MYO1E: variants seen among roughly 807,000 people sequenced by gnomAD.
The protein encoded by MYO1E is unconventional myosin-Ie.
A neutral mutation model predicts 151.1 loss-of-function variants in MYO1E; 68 were observed. The observed-to-expected ratio is 0.45, with a 90% CI of 0.37 to 0.55. MYO1E has a LOEUF of 0.55. Ranked by LOEUF, MYO1E falls within the 20% of genes least tolerant of loss-of-function variation. The probability of loss-of-function intolerance (pLI) is 0.00; values close to 1 mark genes in which losing one functional copy is unlikely to be tolerated. For synonymous variants in MYO1E, 601 were observed against 501.7 expected (o/e 1.20, Z -2.64); for missense variants, 1,363 against 1,389.3 (o/e 0.98, Z 0.30).
At chr15:59,171,753 G>T in intron 22 of MYO1E, 144 bp downstream of exon 22, 2 of 1,110,762 alleles carry the variant, frequency 1.8e-6, no homozygotes, top group East Asian at 2.5e-5. Flanking sequence ...TCTTCCCTTT[G>T]GGACAAAGGG....
rs79869397 is a variant in MYO1E, at chr15:59,344,213, A to G, written c.3+28285T>C. On this transcript the variant is annotated intron_variant, in intron 1 of 27. Coordinates refer to ENST00000288235, the MANE Select transcript of MYO1E (RefSeq NM_004998.4). ...TATGATCTAAGTTTGTGGACACCAC[A>G]GCCGTATCTGCATTATGGGGTACCC... 5.4e-3 allele frequency among the ~76,000 whole-genome samples: 830 copies of G among 152,366 alleles called. 10 individuals carry two copies. Among genetic ancestry groups the G allele is most frequent in the African/African-American group, 0.019 (797 of 41,584 alleles).
At chr15:59,234,868 T>C (rs1411155964) in intron 5 of MYO1E, among the ~76,000 whole-genome samples, 4 of 151,062 alleles carry the variant, frequency 2.6e-5, no homozygotes, top group African/African-American at 9.8e-5. Context: ...GAGAATTTTA[T>C]GTGTCTTTTG....
intron 3 of MYO1E, among the ~76,000 whole-genome samples, chr15:59,258,988 G>A (rs2080210364): frequency 6.6e-6 from 1 of 150,732 alleles, no homozygotes; most frequent in African/African-American, 2.4e-5. Flanking sequence ...ATAGAGACAG[G>A]GTCTCACCAT....
chr15:59,309,171 GAGGGAGAAA>G (rs1341657570), intron 1 of MYO1E, among the ~76,000 whole-genome samples: 2 of 152,048 alleles, frequency 1.3e-5, no homozygotes, highest in Non-Finnish European at 2.9e-5. Context: ...GATTGATGGG[GAGGGAGAAA>G]AGGGATGATT....
rs34648136 is a variant in MYO1E at position 59,321,434 on chromosome 15, G to A, written c.4-48985C>T. On this transcript the variant is annotated intron_variant, in intron 1 of 27. Transcript: ENST00000288235. ...TAGCAAAGACATGGAATCAACCTAG[G>A]TGCCCATCAACAGTGAATTGGATAA... Among the ~76,000 whole-genome samples, 1,484 of 152,268 alleles carry A rather than the reference G, an allele frequency of 9.7e-3. 5 individuals carry two copies. The highest frequency in any genetic ancestry group is 0.033 in the East Asian group (172 of 5,186).
At chr15:59,262,418 G>A (rs1487398924) in intron 2 of MYO1E, among the ~76,000 whole-genome samples, 2 of 151,650 alleles carry the variant, frequency 1.3e-5, no homozygotes. Flanking sequence ...GGAGTTTGAG[G>A]CCGGCCTGGG....
In MYO1E at chr15:59,133,556, A is replaced by G. The variant is rs1387947086; in HGVS notation, c.*3824T>C. The G allele has an allele frequency of 1.3e-5, 2 of 152,086 alleles. No individual in the cohort carries two copies. Among genetic ancestry groups the G allele is most frequent in the Non-Finnish European group, 2.9e-5 (2 of 68,034 alleles). The allele number at this position is 152,086 out of a possible 1,614,324, so 9.4% of individuals were successfully genotyped here. On this transcript the variant is annotated 3_prime_UTR_variant, in exon 28 of 28. Transcript: ENST00000288235. The stretch of plus-strand genomic sequence containing the variant: ...ATCAAGATTAGTGGGTAGGAATAAA[A>G]CCAAGTTACTAAATCCAGAAAGAAC...
At chr15:59,211,214 A>T (rs2079876981) in intron 12 of MYO1E, among the ~76,000 whole-genome samples, 1 of 151,986 alleles carries the variant, frequency 6.6e-6, no homozygotes. Flanking sequence ...AAAAAAAAAA[A>T]AATTGAATAT....
At chr15:59,157,726 A>G (rs12437838) in intron 25 of MYO1E, among the ~76,000 whole-genome samples, 11,024 of 152,292 alleles carry the variant, frequency 0.072, 589 homozygotes, top group African/African-American at 0.14. Flanking sequence ...CAGTAACAAT[A>G]TATCTTCTAT....
chr15:59,284,102 T>C (rs2080372996), intron 1 of MYO1E, among the ~76,000 whole-genome samples: 1 of 152,246 alleles, frequency 6.6e-6, no homozygotes, highest in Non-Finnish European at 1.5e-5. Context: ...CTTGGGATGA[T>C]GTCTGCCCCC....
intron 16 of MYO1E, among the ~76,000 whole-genome samples, chr15:59,197,635 G>C (rs1280166916): frequency 1.3e-5 from 2 of 152,190 alleles, no homozygotes; most frequent in Admixed American, 1.3e-4. Context: ...GAGAAGTAAG[G>C]CTTGAACCCA....
Position 59,188,213 on chromosome 15 carries a change from T to C in MYO1E, c.1809A>G (p.Val603=), listed in dbSNP as rs777001351. The C allele has an allele frequency of 2.1e-5, 34 of 1,613,410 alleles. No individual in the cohort carries two copies. The highest frequency in any genetic ancestry group is 3.3e-4 in the Middle Eastern group (2 of 6,080). ...KKPRDWEESR[V]KHQVEYLGLK... ...GACCCAAATATTCGACTTGATGCTT[T>C]ACCCTGTGCAAAGGAGAAAATGGGG... Residue 603 remains valine (V), a synonymous_variant, in exon 18 of 28, where the codon GTA becomes GTG. Transcript: ENST00000288235.
At chr15:59,138,075 C>T in intron 27 of MYO1E, 123 bp downstream of exon 27, 1 of 1,212,842 alleles carries the variant, frequency 8.2e-7, no homozygotes. Context: ...TGAGGCCTGA[C>T]CTGCCTCTAC....
intron 10 of MYO1E, among the ~76,000 whole-genome samples, chr15:59,215,381 A>G (rs566237940): frequency 6.6e-6 from 1 of 152,292 alleles, no homozygotes; most frequent in Admixed American, 6.5e-5. Flanking sequence ...AATTTTCCAC[A>G]TGGATACACC....
At chr15:59,324,006 T>C (rs1022997795) in intron 1 of MYO1E, among the ~76,000 whole-genome samples, 1 of 150,498 alleles carries the variant, frequency 6.6e-6, no homozygotes, top group African/African-American at 2.4e-5. Flanking sequence ...AACGGAATCC[T>C]CGAGAGAGCT....
At chr15:59,177,425 G>A (rs2079631617) in intron 19 of MYO1E, among the ~76,000 whole-genome samples, 1 of 152,092 alleles carries the variant, frequency 6.6e-6, no homozygotes, top group Non-Finnish European at 1.5e-5. Flanking sequence ...GGCAAGACTG[G>A]GATCTGCCTG....
At chr15:59,360,869 T>G (rs867605005) in intron 1 of MYO1E, among the ~76,000 whole-genome samples, 2 of 152,150 alleles carry the variant, frequency 1.3e-5, no homozygotes, top group Non-Finnish European at 2.9e-5. Context: ...GTAGGAAAGT[T>G]GACAGAAAAG....
chr15:59,317,393 T>C (rs2080595859), intron 1 of MYO1E, among the ~76,000 whole-genome samples: 1 of 152,112 alleles, frequency 6.6e-6, no homozygotes, highest in East Asian at 1.9e-4. Flanking sequence ...CTGGCATGAG[T>C]CATGATAACA....
intron 7 of MYO1E, 102 bp downstream of exon 7, chr15:59,227,357 C>T: frequency 7.1e-7 from 1 of 1,414,758 alleles, no homozygotes; most frequent in Non-Finnish European, 9.9e-7. Context: ...CATCATCAGT[C>T]CTCCCTGGCT....
Sources: gnomAD v4.1 joint callset for allele counts (sites outside exome capture counted in the v4.1 genomes callset) on GRCh38, gnomAD v4.1.1 for gene constraint, MANE v1.5 for transcripts, NCBI Gene and HGNC (gene_info 2026-07-23, HGNC 2026-07-21) for gene names.